GRB14: variants seen among roughly 807,000 people sequenced by gnomAD.
GRB14 encodes the protein growth factor receptor-bound protein 14.
In GRB14, 38 loss-of-function variants were observed where a neutral mutation model predicts 69.1. The observed-to-expected ratio is 0.55, with a 90% CI of 0.42 to 0.72. GRB14 has a LOEUF of 0.72. Among genes scored for constraint, GRB14 ranks in the 30% least tolerant of loss-of-function variants. GRB14 has a pLI of 0.00. For synonymous variants in GRB14, 247 were observed against 241.3 expected (o/e 1.02, Z -0.22); for missense variants, 666 against 666.1 (o/e 1.00, Z 0.00).
At chr2:164,580,054 C>G (rs930187782) in intron 2 of GRB14, among the ~76,000 whole-genome samples, 1 of 151,812 alleles carries the variant, frequency 6.6e-6, no homozygotes, top group African/African-American at 2.4e-5. Flanking sequence ...CTTACTATAT[C>G]TTTACTTCTG....
At chr2:164,523,032 A>T (rs988842649) in intron 5 of GRB14, among the ~76,000 whole-genome samples, 1 of 152,082 alleles carries the variant, frequency 6.6e-6, no homozygotes, top group African/African-American at 2.4e-5. Context: ...GCCCTGCAGG[A>T]TGAGACACCA....
intron 2 of GRB14, among the ~76,000 whole-genome samples, chr2:164,575,617 C>G (rs1252179879): frequency 6.6e-6 from 1 of 151,956 alleles, no homozygotes; most frequent in African/African-American, 2.4e-5. Flanking sequence ...ATATTTTAAA[C>G]TGATAAATCA....
Position 164,621,324 on chromosome 2 carries a change from G to A in GRB14, c.-15C>T. 1 of 1,281,948 alleles carries A rather than the reference G, an allele frequency of 7.8e-7. No homozygotes were observed. The highest frequency in any genetic ancestry group is 9.9e-7 in the Non-Finnish European group (1 of 1,014,560). 79.4% of individuals were successfully genotyped at this position (1,281,948 alleles called of 1,614,324 possible). ...GAAGTGGTCATTGTCGCCGGCCGGG[G>A]GGCTCGGGCGTCATGGGAGACTCGG... On this transcript the variant is annotated 5_prime_UTR_variant, in exon 1 of 14. Transcript: ENST00000263915. The surrounding 1 kb of genome is among the most constrained non-coding windows in gnomAD (Gnocchi z 6.0).
At chr2:164,493,803 C>T (rs1051754869) in intron 13 of GRB14, among the ~76,000 whole-genome samples, 5 of 152,078 alleles carry the variant, frequency 3.3e-5, no homozygotes, top group Admixed American at 1.3e-4. Flanking sequence ...TTTAGCAATA[C>T]TATGGAATAC....
chr2:164,546,223 T>G (rs1688369419), intron 3 of GRB14, among the ~76,000 whole-genome samples: 2 of 152,156 alleles, frequency 1.3e-5, no homozygotes, highest in South Asian at 4.1e-4. Context: ...TTATAAAAAT[T>G]TCTAGGCTTG....
intron 2 of GRB14, among the ~76,000 whole-genome samples, chr2:164,565,133 T>C (rs1428046513): frequency 6.6e-6 from 1 of 152,184 alleles, no homozygotes; most frequent in East Asian, 1.9e-4. Flanking sequence ...AGTGTTTCCA[T>C]AAAAGAATGT....
At chr2:164,568,005 G>C (rs1689024083) in intron 2 of GRB14, among the ~76,000 whole-genome samples, 1 of 151,936 alleles carries the variant, frequency 6.6e-6, no homozygotes, top group African/African-American at 2.4e-5. Flanking sequence ...AAACAAAGAG[G>C]CTTGAAGTTA....
intron 2 of GRB14, among the ~76,000 whole-genome samples, chr2:164,591,454 G>A (rs1689662062): frequency 6.6e-6 from 1 of 152,134 alleles, no homozygotes; most frequent in Admixed American, 6.5e-5. Context: ...CAGGCCCAGG[G>A]TGCCTTAATA....
chr2:164,493,880 A>G (rs1444154108), intron 13 of GRB14, among the ~76,000 whole-genome samples: 1 of 152,110 alleles, frequency 6.6e-6, no homozygotes, highest in African/African-American at 2.4e-5. Context: ...CATCACATAC[A>G]TACATGCACA....
Position 164,521,396 on chromosome 2 carries a change from T to G in GRB14, c.816+584A>C, listed in dbSNP as rs144048108. 8.8e-4 allele frequency among the ~76,000 whole-genome samples: 134 copies of G among 152,176 alleles called. 1 individual carries two copies. The East Asian group carries it at 0.014, about 16-fold the overall frequency. On this transcript the variant is annotated intron_variant, in intron 6 of 13. Transcript: ENST00000263915. ...TGGGAGGGGGTGAAGGATAAAAGAC[T>G]ATACAATGAGTAGAGTGTATTCTGC...
chr2:164,509,700 C>T (rs1184757127), intron 6 of GRB14, among the ~76,000 whole-genome samples: 1 of 147,806 alleles, frequency 6.8e-6, no homozygotes, highest in Non-Finnish European at 1.5e-5. Flanking sequence ...GCAATGCAAA[C>T]TTTCAGGGCT....
Position 164,508,824 on chromosome 2 carries a change from T to G in GRB14, c.845A>C (p.Glu282Ala), listed in dbSNP as rs1484301387. 10 of 1,582,416 alleles carry G rather than the reference T, an allele frequency of 6.3e-6. No homozygotes were observed. Among genetic ancestry groups the G allele is most frequent in the African/African-American group, 1.4e-5 (1 of 72,728 alleles). ...CACATAAATATCACTATTGCCAAAT[T>G]CGCTGAAAAACTGCAAATGCCGCGG... Reference protein sequence around the residue: ...KEPRHLQFFSEFGNSDIYVSL... With the variant: ...KEPRHLQFFSAFGNSDIYVSL... The change falls in exon 7 of 14, where the codon GAA (glutamate) becomes GCA (alanine). Residue 282 changes from glutamate (E) to alanine (A), a missense_variant. Glu to Ala is a moderately radical substitution (Grantham distance 107). Coordinates refer to ENST00000263915, the MANE Select transcript of GRB14 (RefSeq NM_004490.3).
chr2:164,620,488 T>C lies in GRB14; in HGVS notation c.191+631A>G, dbSNP rs1690429622. Among the ~76,000 whole-genome samples, 8 of 149,596 alleles carry C rather than the reference T, an allele frequency of 5.3e-5. No individual in the cohort carries two copies. In the South Asian group the frequency reaches 1.7e-3, roughly 32 times the overall value. On this transcript the variant is annotated intron_variant, in intron 1 of 13. Transcript: ENST00000263915. Reference sequence around the variant, plus strand: ...AGTCCACTGGAGAGTAATTTTAACTTCACTGAAGTTGGAGCGCTTTGAAAA... The same window carrying C: ...AGTCCACTGGAGAGTAATTTTAACTCCACTGAAGTTGGAGCGCTTTGAAAA...
At chr2:164,511,632 G>T (rs1687340595) in intron 6 of GRB14, among the ~76,000 whole-genome samples, 1 of 152,160 alleles carries the variant, frequency 6.6e-6, no homozygotes, top group South Asian at 2.1e-4. Flanking sequence ...ATGGGACTTG[G>T]ATGAGATCCT....
intron 9 of GRB14, among the ~76,000 whole-genome samples, chr2:164,501,084 A>G (rs1400018637): frequency 1.3e-5 from 2 of 152,148 alleles, no homozygotes; most frequent in African/African-American, 4.8e-5. Context: ...GAATTGAAAG[A>G]TAAGAGTAAG....
intron 3 of GRB14, among the ~76,000 whole-genome samples, chr2:164,542,611 A>T (rs932258496): frequency 1.2e-4 from 18 of 152,220 alleles, no homozygotes; most frequent in Non-Finnish European, 2.2e-4. Flanking sequence ...TTGAAAGAAG[A>T]CATACAAGTA....
Position 164,621,325 on chromosome 2 carries a change from G to T in GRB14, c.-16C>A. The stretch of plus-strand genomic sequence containing the variant: ...AAGTGGTCATTGTCGCCGGCCGGGG[G>T]GCTCGGGCGTCATGGGAGACTCGGC... On this transcript the variant is annotated 5_prime_UTR_variant, in exon 1 of 14. Coordinates refer to ENST00000263915, the MANE Select transcript of GRB14 (RefSeq NM_004490.3). This position sits in a 1 kb window ranked among gnomAD's most constrained non-coding sequence, Gnocchi z 6.0. 1 of 1,281,698 alleles carries T rather than the reference G, an allele frequency of 7.8e-7. No individual in the cohort carries two copies. The highest frequency in any genetic ancestry group is 9.9e-7 in the Non-Finnish European group (1 of 1,014,452). The allele number at this position is 1,281,698 out of a possible 1,614,324, so 79.4% of individuals were successfully genotyped here. A position where few individuals can be genotyped will look rare whatever the true frequency, so the allele number is the denominator to read the frequency against.
Position 164,562,278 on chromosome 2 carries a change from G to A in GRB14, c.325-14462C>T, listed in dbSNP as rs150337172. 1.1e-3 allele frequency among the ~76,000 whole-genome samples: 169 copies of A among 152,156 alleles called. 1 individual carries two copies. The Middle Eastern group carries it at 0.014, about 12-fold the overall frequency. ...AGAAGTCCCCGTCTAATACTCCTTA[G>A]GACACTGAAAGGAGGAGTAATTAAC... On this transcript the variant is annotated intron_variant, in intron 2 of 13. Coordinates refer to ENST00000263915, the MANE Select transcript of GRB14 (RefSeq NM_004490.3).
chr2:164,605,440 A>T (rs1200201231), intron 2 of GRB14, among the ~76,000 whole-genome samples: 2 of 152,188 alleles, frequency 1.3e-5, no homozygotes, highest in African/African-American at 4.8e-5. Flanking sequence ...CAGGCAGCCC[A>T]GTATACAGAT....
Sources: allele counts gnomAD v4.1 joint callset (sites outside exome capture counted in the v4.1 genomes callset), GRCh38; gene constraint gnomAD v4.1.1; non-coding constraint Gnocchi (gnomAD v3.1); transcripts MANE v1.5; gene names NCBI Gene and HGNC (gene_info 2026-07-23, HGNC 2026-07-21).